Variants in CSMD1 observed in about 807,000 individuals in gnomAD.
CSMD1 encodes the protein CUB and Sushi multiple domains 1, also known as CUB and sushi domain-containing protein 1.
CSMD1 carries 213 observed loss-of-function variants against 417.5 expected under a neutral mutation model. That is an observed-to-expected ratio of 0.51 (90% CI 0.46 to 0.57). CSMD1 has a LOEUF of 0.57. Ranked by LOEUF, CSMD1 falls within the 20% of genes least tolerant of loss-of-function variation. CSMD1 has a pLI of 0.00. For synonymous variants in CSMD1, 2,862 were observed against 1,736.8 expected (o/e 1.65, Z -16.11); for missense variants, 6,923 against 4,529.7 (o/e 1.53, Z -15.17).
intron 3 of CSMD1, among the ~76,000 whole-genome samples, chr8:4,160,433 A>G (rs929063054): frequency 2.0e-5 from 3 of 152,184 alleles, no homozygotes; most frequent in African/African-American, 7.2e-5. Context: ...ATAGTCCAGA[A>G]TAAAGAATAT....
At chr8:4,764,889 A>AAAAAAAAAC (rs1377665114) in intron 1 of CSMD1, among the ~76,000 whole-genome samples, 4 of 39,984 alleles carry the variant, frequency 1.0e-4, no homozygotes, top group African/African-American at 3.7e-4. Context: ...AAAAAAAAAA[A>AAAAAAAAAC]AAAAACAACA....
intron 5 of CSMD1, among the ~76,000 whole-genome samples, chr8:3,774,343 T>C (rs960796711): frequency 3.3e-5 from 5 of 152,138 alleles, no homozygotes; most frequent in African/African-American, 9.7e-5. Context: ...TGAGGTGTTA[T>C]CATATGGCGG....
intron 26 of CSMD1, among the ~76,000 whole-genome samples, chr8:3,238,663 G>C (rs1440043371): frequency 6.6e-6 from 1 of 152,124 alleles, no homozygotes; most frequent in African/African-American, 2.4e-5. Context: ...CCTGGATACA[G>C]TTTTGTATGA....
chr8:4,146,059 C>T (rs1804099366), intron 3 of CSMD1, among the ~76,000 whole-genome samples: 2 of 150,786 alleles, frequency 1.3e-5, no homozygotes, highest in Admixed American at 1.3e-4. Context: ...ACATTGCAGA[C>T]ACTTGAGGGA....
At chr8:3,654,212 T>C (rs575019373) in intron 7 of CSMD1, among the ~76,000 whole-genome samples, 1 of 152,314 alleles carries the variant, frequency 6.6e-6, no homozygotes, top group African/African-American at 2.4e-5. Flanking sequence ...TACCTTCAGT[T>C]TGACTGAATT....
chr8:3,428,418 G>T lies in CSMD1; in HGVS notation c.1562-18813C>A, dbSNP rs557579521. On this transcript the variant is annotated intron_variant, in intron 12 of 69. Coordinates refer to ENST00000635120, the MANE Select transcript of CSMD1 (RefSeq NM_033225.6). ...AAGCTGGGCTTTAAAGAAATGGCAC[G>T]AGAAACGAAACTGTCAAGAATATTA... Among the ~76,000 whole-genome samples the T allele has an allele frequency of 7.6e-4, 116 of 152,192 alleles. 2 individuals carry two copies. The South Asian group carries it at 0.01, about 13-fold the overall frequency.
intron 3 of CSMD1, among the ~76,000 whole-genome samples, chr8:4,035,559 G>A (rs1003861436): frequency 1.7e-4 from 26 of 152,128 alleles, no homozygotes; most frequent in Non-Finnish European, 1.0e-4. Flanking sequence ...ACCCCGTGCA[G>A]GCCTAGGCTA....
intron 1 of CSMD1, among the ~76,000 whole-genome samples, chr8:4,986,433 T>C (rs1811182328): frequency 1.3e-5 from 2 of 152,216 alleles, no homozygotes; most frequent in African/African-American, 2.4e-5. Flanking sequence ...AATAGAGGCA[T>C]AGACATTCTT....
intron 5 of CSMD1, among the ~76,000 whole-genome samples, chr8:3,841,692 T>C (rs1378390278): frequency 6.6e-6 from 1 of 152,146 alleles, no homozygotes; most frequent in Non-Finnish European, 1.5e-5. Flanking sequence ...TTTTAGAACC[T>C]AGTGATTATA....
chr8:3,623,929 A>G (rs1796374465), intron 7 of CSMD1, among the ~76,000 whole-genome samples: 2 of 152,058 alleles, frequency 1.3e-5, no homozygotes, highest in Non-Finnish European at 2.9e-5. Context: ...GTAAGCTGAG[A>G]TTGCACCACT....
chr8:3,676,709 A>C (rs1438390768), intron 7 of CSMD1, among the ~76,000 whole-genome samples: 1 of 152,172 alleles, frequency 6.6e-6, no homozygotes, highest in Non-Finnish European at 1.5e-5. Flanking sequence ...ATTTCTATCA[A>C]ACTCAGTGTG....
chr8:4,569,950 G>A (rs1352153632), intron 2 of CSMD1, among the ~76,000 whole-genome samples: 1 of 152,044 alleles, frequency 6.6e-6, no homozygotes, highest in African/African-American at 2.4e-5. Context: ...GTCTATTGTT[G>A]GTGTATAGGA....
intron 54 of CSMD1, among the ~76,000 whole-genome samples, chr8:2,985,674 T>C (rs1805832715): frequency 6.6e-6 from 1 of 152,308 alleles, no homozygotes; most frequent in East Asian, 1.9e-4. Flanking sequence ...CTGATTGACA[T>C]ACAAGGAAGA....
chr8:3,760,358 T>C (rs1447677530), intron 5 of CSMD1, among the ~76,000 whole-genome samples: 2 of 152,184 alleles, frequency 1.3e-5, no homozygotes, highest in African/African-American at 4.8e-5. Context: ...TTGCTTCTGC[T>C]AAGAGTTAAA....
At chr8:3,088,644 G>C (rs1374560966) in intron 48 of CSMD1, among the ~76,000 whole-genome samples, 1 of 151,296 alleles carries the variant, frequency 6.6e-6, no homozygotes, top group Non-Finnish European at 1.5e-5. Context: ...TTTTTTAATG[G>C]GCTGATTTTT....
chr8:3,503,453 T>C (rs962491205), intron 10 of CSMD1, among the ~76,000 whole-genome samples: 11 of 152,184 alleles, frequency 7.2e-5, no homozygotes, highest in Admixed American at 1.3e-4. Context: ...GCGCAATTCC[T>C]CTAAAACACA....
At chr8:3,566,974 G>C (rs746731513) in intron 10 of CSMD1, among the ~76,000 whole-genome samples, 5 of 152,184 alleles carry the variant, frequency 3.3e-5, no homozygotes, top group Admixed American at 2.6e-4. Context: ...ACACATGCAG[G>C]TATAAGTTCA....
intron 5 of CSMD1, among the ~76,000 whole-genome samples, chr8:3,963,256 T>G (rs1812445188): frequency 6.6e-6 from 1 of 152,186 alleles, no homozygotes; most frequent in Non-Finnish European, 1.5e-5. Flanking sequence ...ATTGTAATTG[T>G]AATAATTACG....
At position 4,673,897 on chromosome 8, in the gene CSMD1, A is replaced by T. The variant is rs183396716; in HGVS notation, c.86-36339T>A. 5.1e-4 allele frequency among the ~76,000 whole-genome samples: 78 copies of T among 152,280 alleles called. 1 individual carries two copies. Among genetic ancestry groups the T allele is most frequent in the Non-Finnish European group, 1.0e-3 (69 of 68,024 alleles). The stretch of plus-strand genomic sequence containing the variant: ...GCTGGGGAATGGTAATGATTGCTGA[A>T]AGATACAGGGTTTGGGAGGATAGAT... On this transcript the variant is annotated intron_variant, in intron 1 of 69. Coordinates refer to ENST00000635120, the MANE Select transcript of CSMD1 (RefSeq NM_033225.6).
Sources: allele counts gnomAD v4.1 joint callset (sites outside exome capture counted in the v4.1 genomes callset), GRCh38; gene constraint gnomAD v4.1.1; transcripts MANE v1.5; gene names NCBI Gene and HGNC (gene_info 2026-07-23, HGNC 2026-07-21).